Variants in SF3B1 observed in about 807,000 individuals in gnomAD.
The protein encoded by SF3B1 is splicing factor 3b subunit 1.
A neutral mutation model predicts 153.8 loss-of-function variants in SF3B1; 12 were observed. The observed-to-expected ratio is 0.08, with a 90% CI of 0.05 to 0.13. SF3B1 has a LOEUF of 0.13. Among genes scored for constraint, SF3B1 ranks in the 10% least tolerant of loss-of-function variants. The pLI is 1.00. For missense variants in SF3B1, 513 were observed against 1,606.1 expected (o/e 0.32, Z 11.63); for synonymous variants, 498 against 525.2 (o/e 0.95, Z 0.71).
chr2:197,428,653 G>A (rs1371540550), intron 1 of SF3B1, among the ~76,000 whole-genome samples: 1 of 152,184 alleles, frequency 6.6e-6, no homozygotes, highest in Non-Finnish European at 1.5e-5. Flanking sequence ...CAGCACTTTG[G>A]GAAGTCAAGA....
In SF3B1 at chr2:197,434,967, C is replaced by G. The variant is rs751727839; in HGVS notation, c.28+5G>C. ...AAAACACGTAAGCAGGGAAAGACCG[C>G]TTACCTTCGTGAGTCTTGGCGATCT... On this transcript the variant is annotated splice_donor_5th_base_variant and intron_variant, in intron 1 of 24. Coordinates refer to ENST00000335508, the MANE Select transcript of SF3B1 (RefSeq NM_012433.4). 29 of 1,614,000 alleles carry G rather than the reference C, an allele frequency of 1.8e-5. No homozygotes were observed. Among genetic ancestry groups the G allele is most frequent in the Non-Finnish European group, 2.2e-5 (26 of 1,179,920 alleles).
chr2:197,412,737 C>T (rs943811062), intron 6 of SF3B1, among the ~76,000 whole-genome samples: 7 of 151,352 alleles, frequency 4.6e-5, no homozygotes, highest in African/African-American at 1.7e-4. Context: ...GTAATCCCAG[C>T]ACCTTGGGAG....
intron 6 of SF3B1, among the ~76,000 whole-genome samples, chr2:197,414,710 A>G (rs910815097): frequency 5.3e-5 from 8 of 152,222 alleles, no homozygotes; most frequent in African/African-American, 1.9e-4. Context: ...GAAAGCAAGT[A>G]CAAACAACTC....
Position 197,400,516 on chromosome 2 carries a change from T to C in SF3B1, c.2719-82A>G. The C allele has an allele frequency of 1.6e-6, 2 of 1,254,260 alleles. No individual in the cohort carries two copies. Among genetic ancestry groups the C allele is most frequent in the Non-Finnish European group, 2.2e-6 (2 of 903,178 alleles). The allele number at this position is 1,254,260 out of a possible 1,614,324, so 77.7% of individuals were successfully genotyped here. A position where few individuals can be genotyped will look rare whatever the true frequency, so the allele number is the denominator to read the frequency against. On this transcript the variant is annotated intron_variant, in intron 18 of 24. Coordinates refer to ENST00000335508, the MANE Select transcript of SF3B1 (RefSeq NM_012433.4). The surrounding 1 kb of genome is among the most constrained non-coding windows in gnomAD (Gnocchi z 5.0). ...AAATACACTAAGAGTCAACCTTTTC[T>C]AACCACCCAAACATCTGTTGCTGTT...
At position 197,417,509 on chromosome 2, in the gene SF3B1, G is replaced by A. The variant is rs183306381; in HGVS notation, c.496-598C>T. 3.8e-3 allele frequency among the ~76,000 whole-genome samples: 575 copies of A among 149,624 alleles called. 3 individuals carry two copies. The highest frequency in any genetic ancestry group is 0.013 in the African/African-American group (528 of 40,576). Reference sequence around the variant, plus strand: ...TCCCAGCACTTTGAGAGGTTAAGGCGGGCAGATCACCTGAGGTCAGGAGTT... The same window carrying A: ...TCCCAGCACTTTGAGAGGTTAAGGCAGGCAGATCACCTGAGGTCAGGAGTT... On this transcript the variant is annotated intron_variant, in intron 5 of 24. Coordinates refer to ENST00000335508, the MANE Select transcript of SF3B1 (RefSeq NM_012433.4).
chr2:197,410,582 A>G (rs1574537082), intron 6 of SF3B1, among the ~76,000 whole-genome samples: 1 of 143,322 alleles, frequency 7.0e-6, no homozygotes, highest in African/African-American at 2.6e-5. Context: ...CTTGGCTCAC[A>G]GCAACCTCTG....
Position 197,429,528 on chromosome 2 carries a change from A to C in SF3B1, c.28+5444T>G, listed in dbSNP as rs372950975. On this transcript the variant is annotated intron_variant, in intron 1 of 24. Transcript: ENST00000335508. ...GGCCGGCACGGTGGCTCACGCCTGT[A>C]ATCCCAGCACTTTGGGAGGCCGATG... Among the ~76,000 whole-genome samples, 284 of 152,312 alleles carry C rather than the reference A, an allele frequency of 1.9e-3. 1 individual carries two copies. Among genetic ancestry groups the C allele is most frequent in the African/African-American group, 6.4e-3 (264 of 41,560 alleles).
chr2:197,402,489 G>A lies in SF3B1; in HGVS notation c.2077+67C>T, dbSNP rs1574529153. On this transcript the variant is annotated intron_variant, in intron 14 of 24. Transcript: ENST00000335508. The surrounding 1 kb of genome is among the most constrained non-coding windows in gnomAD (Gnocchi z 4.6). ...GAGCCCAAAGGTTTGAGTCCAGTCTGGGCAACATAGTAAGACCCTGTCTCC... is the reference window on the plus strand; with the variant it reads ...GAGCCCAAAGGTTTGAGTCCAGTCTAGGCAACATAGTAAGACCCTGTCTCC... 2 of 1,431,778 alleles carry A rather than the reference G, an allele frequency of 1.4e-6. No individual in the cohort carries two copies. The highest frequency in any genetic ancestry group is 2.3e-5 in the East Asian group (1 of 42,906). 88.7% of individuals were successfully genotyped at this position (1,431,778 alleles called of 1,614,324 possible).
At chr2:197,427,236 T>C (rs2085349072) in intron 1 of SF3B1, among the ~76,000 whole-genome samples, 1 of 152,232 alleles carries the variant, frequency 6.6e-6, no homozygotes, top group Admixed American at 6.5e-5. Flanking sequence ...TTGTAGTTAA[T>C]TAATCCTAAG....
chr2:197,402,270 A>G lies in SF3B1; in HGVS notation c.2078-140T>C, dbSNP rs2084943448. On this transcript the variant is annotated intron_variant, in intron 14 of 24. Coordinates refer to ENST00000335508, the MANE Select transcript of SF3B1 (RefSeq NM_012433.4). This position sits in a 1 kb window ranked among gnomAD's most constrained non-coding sequence, Gnocchi z 4.6. ...TTAAACAAAATTAGGTAAAAGCAAA[A>G]CATGAACCATAGCCTGTCAGCAGAT... 1 of 933,158 alleles carries G rather than the reference A, an allele frequency of 1.1e-6. No homozygotes were observed. Among genetic ancestry groups the G allele is most frequent in the South Asian group, 1.8e-5 (1 of 54,220 alleles). 57.8% of individuals were successfully genotyped at this position (933,158 alleles called of 1,614,324 possible). A position where few individuals can be genotyped will look rare whatever the true frequency, so the allele number is the denominator to read the frequency against.
intron 6 of SF3B1, among the ~76,000 whole-genome samples, chr2:197,411,786 T>C (rs1246703064): frequency 6.6e-6 from 1 of 152,002 alleles, no homozygotes; most frequent in Non-Finnish European, 1.5e-5. Flanking sequence ...TAAGACTCAA[T>C]AGTTTTTCCC....
chr2:197,404,770 T>C lies in SF3B1; in HGVS notation c.1539+306A>G, dbSNP rs752217306. The C allele has an allele frequency of 4.1e-4, 77 of 188,222 alleles. 2 individuals carry two copies. The highest frequency in any genetic ancestry group is 7.7e-4 in the Non-Finnish European group (69 of 89,762). 11.7% of individuals were successfully genotyped at this position (188,222 alleles called of 1,614,324 possible). A position where few individuals can be genotyped will look rare whatever the true frequency, so the allele number is the denominator to read the frequency against. On this transcript the variant is annotated intron_variant, in intron 11 of 24. Transcript: ENST00000335508. ...AGGCTTTCTAAATAACCTTTACCAATTTGGGCTATTTGGGAGAGTAAAGGA... is the reference window on the plus strand; with the variant it reads ...AGGCTTTCTAAATAACCTTTACCAACTTGGGCTATTTGGGAGAGTAAAGGA...
In SF3B1 at chr2:197,396,340, A is replaced by C. The variant is rs771963162; in HGVS notation, c.3267-12T>G. 3 of 1,602,424 alleles carry C rather than the reference A, an allele frequency of 1.9e-6. No homozygotes were observed. The highest frequency in any genetic ancestry group is 2.6e-6 in the Non-Finnish European group (3 of 1,172,806). On this transcript the variant is annotated splice_polypyrimidine_tract_variant and intron_variant, in intron 22 of 24. Coordinates refer to ENST00000335508, the MANE Select transcript of SF3B1 (RefSeq NM_012433.4). ...ATACATCATGAGGGCTGAAAAAAAC[A>C]AATGGGTCAACAAGCTGTTACATTA...
At chr2:197,429,677 G>C (rs770007147) in intron 1 of SF3B1, among the ~76,000 whole-genome samples, 1 of 151,962 alleles carries the variant, frequency 6.6e-6, no homozygotes, top group Non-Finnish European at 1.5e-5. Flanking sequence ...CCAGCTACTC[G>C]GGAGGCTGAG....
chr2:197,396,525 A>T (rs562081366), intron 22 of SF3B1, among the ~76,000 whole-genome samples, 197 bp from the exon 23 acceptor site: 5 of 151,966 alleles, frequency 3.3e-5, no homozygotes, highest in African/African-American at 1.2e-4. Context: ...AGGTCAGTTT[A>T]AAAAAGTTGA....
In SF3B1 at chr2:197,408,572, C is replaced by G; in HGVS notation, c.914G>C (p.Gly305Ala). 1 of 1,609,694 alleles carries G rather than the reference C, an allele frequency of 6.2e-7. No individual in the cohort carries two copies. The highest frequency in any genetic ancestry group is 8.5e-7 in the Non-Finnish European group (1 of 1,177,644). ...ETPKTERDTP[G>A]HGSGWAETPR... ...AGTCTCAGCCCATCCACTTCCATGCCCAGGAGTATCTTTAAAAAGAAAGAG... is the reference window on the plus strand; with the variant it reads ...AGTCTCAGCCCATCCACTTCCATGCGCAGGAGTATCTTTAAAAAGAAAGAG... Residue 305 changes from glycine (G) to alanine (A), a missense_variant, in exon 8 of 25, where the codon GGG becomes GCG. Around this residue, in one of 21 missense-constraint regions of SF3B1, gnomAD observed 91 missense variants for 157.4 expected, o/e 0.58. Coordinates refer to ENST00000335508, the MANE Select transcript of SF3B1 (RefSeq NM_012433.4).
chr2:197,423,369 C>CA (rs775495226), intron 2 of SF3B1, among the ~76,000 whole-genome samples: 739 of 68,760 alleles, frequency 0.011, 4 homozygotes, highest in Middle Eastern at 0.02. Context: ...GAGACTGTCT[C>CA]AAAAAAAAAA....
chr2:197,417,216 A>G (rs2085161008), intron 5 of SF3B1, among the ~76,000 whole-genome samples: 1 of 152,222 alleles, frequency 6.6e-6, no homozygotes. Context: ...TTCCACTGAA[A>G]AATAGGGTTT....
chr2:197,392,560 C>T, intron 24 of SF3B1, 99 bp from the exon 25 acceptor site: 1 of 229,192 alleles, frequency 4.4e-6, no homozygotes, highest in South Asian at 5.0e-5. Flanking sequence ...AATTATTTCC[C>T]TTGGGGAGTT....
Sources: gnomAD v4.1 joint callset for allele counts (sites outside exome capture counted in the v4.1 genomes callset) on GRCh38, gnomAD v4.1.1 for gene constraint, gnomAD v4.1.1 regional missense constraint, Gnocchi (gnomAD v3.1) non-coding constraint, MANE v1.5 for transcripts, NCBI Gene and HGNC (gene_info 2026-07-23, HGNC 2026-07-21) for gene names.